GRK3: variants seen among roughly 807,000 people sequenced by gnomAD.
The protein encoded by GRK3 is adrenergic, beta, receptor kinase 2.
A neutral mutation model predicts 95.7 loss-of-function variants in GRK3; 54 were observed. The ratio of observed to expected loss-of-function variants is 0.56; its 90% CI spans 0.45 to 0.71. The LOEUF is 0.71. GRK3 is among the 30% of genes least tolerant of loss of function. GRK3 has a pLI of 0.00. For synonymous variants in GRK3, 281 were observed against 290.8 expected (o/e 0.97, Z 0.34); for missense variants, 649 against 851.2 (o/e 0.76, Z 2.96).
At chr22:25,619,820 G>T (rs765918470) in intron 2 of GRK3, among the ~76,000 whole-genome samples, 11 of 151,972 alleles carry the variant, frequency 7.2e-5, no homozygotes, top group Non-Finnish European at 1.5e-4. Flanking sequence ...AGGGGCAGCA[G>T]CAGGTTAGGT....
At chr22:25,718,127 C>T (rs2085401286) in intron 18 of GRK3, 118 bp from the exon 19 acceptor site, 3 of 1,147,182 alleles carry the variant, frequency 2.6e-6, no homozygotes, top group Admixed American at 2.2e-5. Context: ...GTAATGCGTT[C>T]TATTTATAGA....
chr22:25,687,428 A>G (rs190504958), intron 10 of GRK3, 109 bp from the exon 11 acceptor site: 1 of 1,165,528 alleles, frequency 8.6e-7, no homozygotes, highest in Admixed American at 2.3e-5. Flanking sequence ...TAGACCAAGC[A>G]GAAGCATAGT....
At chr22:25,679,904 G>T (rs934117999) in intron 9 of GRK3, among the ~76,000 whole-genome samples, 7 of 152,168 alleles carry the variant, frequency 4.6e-5, no homozygotes, top group Non-Finnish European at 1.0e-4. Context: ...TCACCAAAAG[G>T]ATCTGAAAAA....
intron 3 of GRK3, among the ~76,000 whole-genome samples, chr22:25,653,262 C>T (rs1023254485): frequency 2.0e-5 from 3 of 152,160 alleles, no homozygotes; most frequent in Non-Finnish European, 4.4e-5. Flanking sequence ...GTTTTTCAGA[C>T]TGGATAAAGA....
chr22:25,606,398 G>T (rs2084448534), intron 2 of GRK3, among the ~76,000 whole-genome samples: 1 of 152,154 alleles, frequency 6.6e-6, no homozygotes, highest in Non-Finnish European at 1.5e-5. Context: ...GTCTAGTGTT[G>T]TTGGCCTGCT....
At chr22:25,667,693 A>G (rs763671390) in intron 5 of GRK3, 46 bp from the exon 6 acceptor site, 2 of 1,377,214 alleles carry the variant, frequency 1.5e-6, no homozygotes, top group Admixed American at 1.8e-5. Context: ...TTTTTTTGAT[A>G]CATTCCGATT....
chr22:25,651,601 C>T (rs1435545929), intron 3 of GRK3, among the ~76,000 whole-genome samples: 6 of 152,100 alleles, frequency 3.9e-5, no homozygotes, highest in Non-Finnish European at 8.8e-5. Context: ...TTTATGTGAA[C>T]TATGATATTG....
At chr22:25,567,343 C>T (rs944052022) in intron 1 of GRK3, among the ~76,000 whole-genome samples, 5 of 152,120 alleles carry the variant, frequency 3.3e-5, no homozygotes, top group Non-Finnish European at 5.9e-5. Context: ...ACAGTCACTC[C>T]TTGTGCTGTG....
intron 2 of GRK3, among the ~76,000 whole-genome samples, chr22:25,618,620 T>C (rs935851247): frequency 1.3e-5 from 2 of 152,224 alleles, no homozygotes; most frequent in African/African-American, 4.8e-5. Flanking sequence ...TTCTAACTGT[T>C]TTCTGTTTGT....
chr22:25,597,400 A>G (rs2146333974), intron 1 of GRK3, among the ~76,000 whole-genome samples: 1 of 152,348 alleles, frequency 6.6e-6, no homozygotes, highest in South Asian at 2.1e-4. Flanking sequence ...GGATTACTAT[A>G]GTTAACAATA....
At chr22:25,713,559 C>T (rs1047149721) in intron 17 of GRK3, among the ~76,000 whole-genome samples, 3 of 152,218 alleles carry the variant, frequency 2.0e-5, no homozygotes, top group Admixed American at 2.0e-4. Flanking sequence ...GATACCTACC[C>T]CTGCTTATCT....
At chr22:25,692,465 A>G (rs937580842) in intron 12 of GRK3, among the ~76,000 whole-genome samples, 3 of 152,228 alleles carry the variant, frequency 2.0e-5, no homozygotes, top group Admixed American at 6.5e-5. Flanking sequence ...GCAAGTCTTT[A>G]TTTAACATTT....
chr22:25,633,891 C>T (rs763289634), intron 2 of GRK3, among the ~76,000 whole-genome samples: 3 of 152,116 alleles, frequency 2.0e-5, no homozygotes, highest in Non-Finnish European at 2.9e-5. Flanking sequence ...TTCCATACAA[C>T]ATAGTTATGG....
chr22:25,599,420 G>A (rs1017767937), intron 1 of GRK3, among the ~76,000 whole-genome samples: 17 of 151,854 alleles, frequency 1.1e-4, no homozygotes, highest in South Asian at 8.3e-4. Flanking sequence ...GTGAAACCCC[G>A]TCTCTACTAA....
intron 3 of GRK3, among the ~76,000 whole-genome samples, chr22:25,659,667 T>C (rs1348683030): frequency 5.9e-5 from 9 of 152,334 alleles, no homozygotes; most frequent in Admixed American, 3.3e-4. Context: ...TTTAGAGCTA[T>C]TGGTAGTCGA....
chr22:25,675,719 A>G (rs1471138788), intron 8 of GRK3, among the ~76,000 whole-genome samples: 1 of 152,224 alleles, frequency 6.6e-6, no homozygotes, highest in African/African-American at 2.4e-5. Context: ...TTGGGAGCTG[A>G]TGGCTTTGCC....
intron 1 of GRK3, among the ~76,000 whole-genome samples, chr22:25,575,510 T>C (rs1013871000): frequency 6.6e-6 from 1 of 152,146 alleles, no homozygotes; most frequent in Non-Finnish European, 1.5e-5. Flanking sequence ...AGATCTGTAG[T>C]TATAAAGGTT....
rs147164806 is a variant in GRK3 at position 25,624,616 on chromosome 22, T to A, written c.191-19976T>A. Among the ~76,000 whole-genome samples, 222 of 152,270 alleles carry A rather than the reference T, an allele frequency of 1.5e-3. 1 individual carries two copies. The highest frequency in any genetic ancestry group is 4.7e-3 in the African/African-American group (197 of 41,558). ...CTGATTTCTGACTATGAATAATCTC[T>A]TTTGATGTTCCTGCTCTACTCATTG... On this transcript the variant is annotated intron_variant, in intron 2 of 20. Transcript: ENST00000324198.
intron 15 of GRK3, among the ~76,000 whole-genome samples, chr22:25,705,192 A>G (rs1049301001): frequency 1.3e-5 from 2 of 152,206 alleles, no homozygotes; most frequent in South Asian, 4.1e-4. Flanking sequence ...CTCACTCATT[A>G]CTGTCTCTGT....
Sources: gnomAD v4.1 joint callset for allele counts (sites outside exome capture counted in the v4.1 genomes callset) on GRCh38, gnomAD v4.1.1 for gene constraint, MANE v1.5 for transcripts, NCBI Gene and HGNC (gene_info 2026-07-23, HGNC 2026-07-21) for gene names.